Variants in NDFIP2 observed in about 807,000 individuals in gnomAD.
NDFIP2 encodes Nedd4 family interacting protein 2, also known as NEDD4 family-interacting protein 2.
In NDFIP2, 19 loss-of-function variants were observed where a neutral mutation model predicts 36.0. The ratio of observed to expected loss-of-function variants is 0.53; its 90% CI spans 0.37 to 0.77. The LOEUF is 0.77. Among genes scored for constraint, NDFIP2 ranks in the 30% least tolerant of loss-of-function variants. The pLI, the probability that NDFIP2 is intolerant of heterozygous loss-of-function variation, is 0.00. For synonymous variants in NDFIP2, 181 were observed against 167.7 expected, an observed-to-expected ratio of 1.08 and a Z score of -0.61; for missense variants, 446 against 435.8, an observed-to-expected ratio of 1.02 and a Z score of -0.21.
intron 5 of NDFIP2, among the ~76,000 whole-genome samples, chr13:79,544,540 TTTAC>T (rs1222461236): frequency 6.6e-6 from 1 of 151,958 alleles, no homozygotes; most frequent in African/African-American, 2.4e-5. Context: ...TCAAGAGTGC[TTTAC>T]TTACTGTTGT....
intron 4 of NDFIP2, among the ~76,000 whole-genome samples, chr13:79,540,588 T>A (rs1445377454): frequency 7.9e-5 from 12 of 152,206 alleles, no homozygotes. Context: ...TTCAATTTAG[T>A]TAAAAGCTTT....
rs1356724490 is a variant in NDFIP2, at chr13:79,543,612, C to G, written c.770C>G (p.Thr257Ser). ...GFCLSFCITN[T>S]IAGRYGAICG... ...TGTTTATCCTTCTGTATCACCAATA[C>G]CATAGCTGGAAGGTATGGTGCTATC... is the stretch of plus-strand genomic sequence containing the variant. The change falls in exon 5 of 8, where the codon ACC (threonine) becomes AGC (serine). Residue 257 changes from threonine (T) to serine (S), a missense_variant. Thr to Ser is a moderately conservative substitution (Grantham distance 58). Around this residue, in one of 2 missense-constraint regions of NDFIP2, gnomAD observed 77 missense variants for 131.0 expected, o/e 0.59. Transcript: ENST00000218652. 1.2e-6 allele frequency: 2 copies of G among 1,613,978 alleles called. No individual in the cohort carries two copies. Among genetic ancestry groups the G allele is most frequent in the Non-Finnish European group, 1.7e-6 (2 of 1,179,926 alleles).
intron 3 of NDFIP2, among the ~76,000 whole-genome samples, chr13:79,538,821 G>GATC (rs1423819262): frequency 1.3e-5 from 2 of 152,216 alleles, no homozygotes; most frequent in African/African-American, 4.8e-5. Flanking sequence ...GGCCTGAAGT[G>GATC]ATCCACCTGT....
At chr13:79,545,351 T>C (rs1317551147) in intron 5 of NDFIP2, among the ~76,000 whole-genome samples, 8 of 152,218 alleles carry the variant, frequency 5.3e-5, no homozygotes, top group Non-Finnish European at 1.0e-4. Context: ...TTAGATTATC[T>C]AGTTATCACC....
intron 1 of NDFIP2, among the ~76,000 whole-genome samples, chr13:79,494,466 T>C (rs1041834329): frequency 6.6e-6 from 1 of 152,052 alleles, no homozygotes; most frequent in Non-Finnish European, 1.5e-5. Flanking sequence ...TTATTGTTAA[T>C]TTTTTGCATA....
At chr13:79,509,543 G>A (rs1434894817) in intron 1 of NDFIP2, among the ~76,000 whole-genome samples, 1 of 152,150 alleles carries the variant, frequency 6.6e-6, no homozygotes, top group Admixed American at 6.6e-5. Context: ...TAATGGTAAA[G>A]AGGCATGTCT....
At chr13:79,497,942 G>C (rs1001700705) in intron 1 of NDFIP2, among the ~76,000 whole-genome samples, 1 of 151,586 alleles carries the variant, frequency 6.6e-6, no homozygotes, top group Non-Finnish European at 1.5e-5. Context: ...GGAAGCTATG[G>C]CAGTAGTTTA....
chr13:79,517,751 G>T (rs1036063855), intron 1 of NDFIP2, among the ~76,000 whole-genome samples: 1 of 152,250 alleles, frequency 6.6e-6, no homozygotes, highest in Non-Finnish European at 1.5e-5. Flanking sequence ...ATATAAAAGT[G>T]TTTGTAGTTA....
chr13:79,534,032 C>G (rs1171580270), intron 3 of NDFIP2, among the ~76,000 whole-genome samples: 1 of 152,020 alleles, frequency 6.6e-6, no homozygotes, highest in African/African-American at 2.4e-5. Context: ...CCCGCTTATC[C>G]CTTCCTAAAT....
At chr13:79,525,856 A>G (rs1051628780) in intron 2 of NDFIP2, among the ~76,000 whole-genome samples, 2 of 152,212 alleles carry the variant, frequency 1.3e-5, no homozygotes, top group African/African-American at 2.4e-5. Context: ...GAACTATTGT[A>G]TATGGTTTTT....
chr13:79,500,866 C>T (rs1347294657), intron 1 of NDFIP2, among the ~76,000 whole-genome samples: 2 of 152,048 alleles, frequency 1.3e-5, no homozygotes, highest in East Asian at 1.9e-4. Flanking sequence ...AAAACATGCA[C>T]ATGTATGTTT....
intron 7 of NDFIP2, among the ~76,000 whole-genome samples, chr13:79,552,031 A>T (rs1875927575): frequency 6.6e-6 from 1 of 151,366 alleles, no homozygotes; most frequent in African/African-American, 2.4e-5. Flanking sequence ...CTTACATTTT[A>T]TCATTTATAT....
At chr13:79,531,258 C>T (rs1296327174) in intron 2 of NDFIP2, among the ~76,000 whole-genome samples, 1 of 152,164 alleles carries the variant, frequency 6.6e-6, no homozygotes, top group East Asian at 1.9e-4. Flanking sequence ...ATGCTATAAA[C>T]AGGTGTGCTG....
At chr13:79,503,524 A>C (rs1873747449) in intron 1 of NDFIP2, among the ~76,000 whole-genome samples, 1 of 152,158 alleles carries the variant, frequency 6.6e-6, no homozygotes, top group South Asian at 2.1e-4. Flanking sequence ...AGGAATGAAA[A>C]ATGTTGAGGC....
intron 1 of NDFIP2, among the ~76,000 whole-genome samples, chr13:79,498,516 A>G (rs1214799037): frequency 6.6e-6 from 1 of 152,034 alleles, no homozygotes; most frequent in East Asian, 1.9e-4. Flanking sequence ...GTAGTTTATA[A>G]GAAAATAAAT....
intron 1 of NDFIP2, among the ~76,000 whole-genome samples, chr13:79,496,724 T>C (rs1040279966): frequency 2.0e-5 from 3 of 152,020 alleles, no homozygotes; most frequent in African/African-American, 7.2e-5. Context: ...TGTATTACAA[T>C]TTTATTTGAT....
At chr13:79,481,932 G>A (rs2079816104) in intron 1 of NDFIP2, among the ~76,000 whole-genome samples, 1 of 152,122 alleles carries the variant, frequency 6.6e-6, no homozygotes, top group African/African-American at 2.4e-5. Flanking sequence ...GAAGGTGATC[G>A]CCGTCATAAA....
chr13:79,501,960 C>A (rs1027192439), intron 1 of NDFIP2, among the ~76,000 whole-genome samples: 1 of 152,040 alleles, frequency 6.6e-6, no homozygotes, highest in Admixed American at 6.6e-5. Flanking sequence ...TTACTATGGC[C>A]TTGCCTCAGA....
intron 3 of NDFIP2, among the ~76,000 whole-genome samples, chr13:79,535,171 A>G (rs1235805572): frequency 6.6e-6 from 1 of 152,188 alleles, no homozygotes; most frequent in East Asian, 1.9e-4. Flanking sequence ...GAACATGCAC[A>G]TCTCTCAGTG....
Sources: allele counts gnomAD v4.1 joint callset (sites outside exome capture counted in the v4.1 genomes callset), GRCh38; gene constraint gnomAD v4.1.1; regional missense constraint gnomAD v4.1.1; transcripts MANE v1.5; gene names NCBI Gene and HGNC (gene_info 2026-07-23, HGNC 2026-07-21).